The following RIMS1 variants were observed in gnomAD, a reference collection of about 807,000 sequenced individuals.
The protein encoded by RIMS1 is regulating synaptic membrane exocytosis 1, also known as regulating synaptic membrane exocytosis protein 1.
A neutral mutation model predicts 214.1 loss-of-function variants in RIMS1; 83 were observed. The observed-to-expected ratio is 0.39, with a 90% CI of 0.32 to 0.47. The LOEUF (loss-of-function observed/expected upper bound fraction) is 0.47. Ranked by LOEUF, RIMS1 falls within the 20% of genes least tolerant of loss-of-function variation. The probability of loss-of-function intolerance (pLI) is 0.99; values close to 1 mark genes in which losing one functional copy is unlikely to be tolerated. For missense variants in RIMS1, 2,050 were observed against 2,161.8 expected (o/e 0.95, Z 1.03); for synonymous variants, 793 against 786.8 (o/e 1.01, Z -0.13).
intron 6 of RIMS1, among the ~76,000 whole-genome samples, chr6:72,217,498 CTT>C (rs1367775245): frequency 6.6e-6 from 1 of 151,940 alleles, no homozygotes; most frequent in Non-Finnish European, 1.5e-5. Context: ...ACATTTAAGT[CTT>C]AACTTGAGAT....
At chr6:72,117,751 CA>C (rs1197582482) in intron 4 of RIMS1, among the ~76,000 whole-genome samples, 42 of 152,090 alleles carry the variant, frequency 2.8e-4, no homozygotes, top group South Asian at 2.1e-4. Context: ...CACAACTTAT[CA>C]AAACCTCTGG....
intron 2 of RIMS1, among the ~76,000 whole-genome samples, chr6:72,055,897 G>C (rs1453468965): frequency 6.6e-6 from 1 of 152,034 alleles, no homozygotes; most frequent in Non-Finnish European, 1.5e-5. Context: ...TTTGACCCAG[G>C]AATCCCATTA....
intron 6 of RIMS1, among the ~76,000 whole-genome samples, chr6:72,227,738 G>A (rs1021319301): frequency 2.0e-5 from 3 of 152,002 alleles, no homozygotes; most frequent in East Asian, 3.9e-4. Flanking sequence ...GTTCAACTCC[G>A]GAGGTTTCAT....
chr6:71,916,480 C>G (rs988108956), intron 1 of RIMS1, among the ~76,000 whole-genome samples: 1 of 152,078 alleles, frequency 6.6e-6, no homozygotes, highest in African/African-American at 2.4e-5. Context: ...TGCTCTCCTT[C>G]CAGTGGTTAA....
At chr6:72,198,205 G>T (rs2051310540) in intron 6 of RIMS1, among the ~76,000 whole-genome samples, 2 of 152,188 alleles carry the variant, frequency 1.3e-5, no homozygotes, top group South Asian at 4.1e-4. Context: ...ATCAAACTAA[G>T]TGGCCATCGG....
chr6:72,198,184 A>G (rs938821856), intron 6 of RIMS1, among the ~76,000 whole-genome samples: 1 of 152,144 alleles, frequency 6.6e-6, no homozygotes, highest in Admixed American at 6.6e-5. Context: ...TCACAATAGC[A>G]AAGATACTGA....
chr6:72,154,136 T>C (rs1409866089), intron 4 of RIMS1, among the ~76,000 whole-genome samples: 5 of 150,414 alleles, frequency 3.3e-5, no homozygotes, highest in Non-Finnish European at 6.0e-5. Flanking sequence ...ATATAAGGAA[T>C]AGCTGTATAT....
chr6:72,096,479 G>A (rs2031747814), intron 2 of RIMS1, among the ~76,000 whole-genome samples: 2 of 152,146 alleles, frequency 1.3e-5, no homozygotes, highest in African/African-American at 4.8e-5. Flanking sequence ...AATTTATTGT[G>A]ACAAACTTAT....
intron 2 of RIMS1, among the ~76,000 whole-genome samples, chr6:72,045,334 A>T (rs1424161280): frequency 6.6e-6 from 1 of 151,976 alleles, no homozygotes; most frequent in Non-Finnish European, 1.5e-5. Context: ...CCTGACATAA[A>T]AAATAAAAGA....
intron 27 of RIMS1, among the ~76,000 whole-genome samples, chr6:72,310,459 A>G (rs1017759274): frequency 3.3e-5 from 5 of 151,946 alleles, no homozygotes; most frequent in Admixed American, 6.6e-5. Flanking sequence ...AGTGAAATTC[A>G]TAATTAGAGG....
intron 2 of RIMS1, among the ~76,000 whole-genome samples, chr6:72,051,164 A>G (rs1824538140): frequency 6.6e-6 from 1 of 152,170 alleles, no homozygotes; most frequent in Non-Finnish European, 1.5e-5. Context: ...AGTCTGACAA[A>G]GGCCGGAGAC....
chr6:72,112,146 C>T (rs902514600), intron 4 of RIMS1, among the ~76,000 whole-genome samples: 1 of 152,112 alleles, frequency 6.6e-6, no homozygotes, highest in Non-Finnish European at 1.5e-5. Flanking sequence ...TGGAATCCTC[C>T]TGGCCTTTCC....
At chr6:72,119,381 A>G (rs532541696) in intron 4 of RIMS1, among the ~76,000 whole-genome samples, 5 of 151,930 alleles carry the variant, frequency 3.3e-5, no homozygotes, top group African/African-American at 4.8e-5. Flanking sequence ...GAAAATGACA[A>G]TAATACCCAA....
intron 6 of RIMS1, among the ~76,000 whole-genome samples, chr6:72,184,425 C>G (rs992601296): frequency 5.9e-5 from 9 of 152,176 alleles, no homozygotes; most frequent in African/African-American, 2.2e-4. Context: ...AACCCGTGCA[C>G]TTTTTGTGAA....
Position 72,330,243 on chromosome 6 carries a change from A to C in RIMS1, c.4131-3357A>C, listed in dbSNP as rs1266492330. 3.9e-5 allele frequency among the ~76,000 whole-genome samples: 6 copies of C among 151,936 alleles called. No individual in the cohort carries two copies. In the South Asian group the frequency reaches 1.0e-3, roughly 26 times the overall value. ...GTAAGTGACAGGATTTGCTGTGTGG[A>C]GTTATTAGCGACTGATAAAAGACAG... On this transcript the variant is annotated intron_variant, in intron 28 of 33. Coordinates refer to ENST00000521978, the MANE Select transcript of RIMS1 (RefSeq NM_014989.7).
At chr6:72,394,086 T>G (rs1327597911) in intron 31 of RIMS1, among the ~76,000 whole-genome samples, 2 of 149,964 alleles carry the variant, frequency 1.3e-5, no homozygotes, top group African/African-American at 4.9e-5. Flanking sequence ...GTAAATATGA[T>G]TGGGATACCC....
chr6:72,197,869 G>A (rs1237293986), intron 6 of RIMS1, among the ~76,000 whole-genome samples: 1 of 151,908 alleles, frequency 6.6e-6, no homozygotes, highest in African/African-American at 2.4e-5. Flanking sequence ...AACATAAGAG[G>A]AACTCCAACA....
intron 2 of RIMS1, among the ~76,000 whole-genome samples, chr6:72,059,960 C>T (rs1323599499): frequency 6.6e-6 from 1 of 151,594 alleles, no homozygotes; most frequent in African/African-American, 2.4e-5. Flanking sequence ...TTTTTTGAGA[C>T]GGAGTTTTGC....
rs989643296 is a variant in RIMS1, at chr6:72,259,054, G to A, written c.2996G>A (p.Ser999Asn). The A allele has an allele frequency of 6.2e-7, 1 of 1,612,404 alleles. No individual in the cohort carries two copies. Among genetic ancestry groups the A allele is most frequent in the Non-Finnish European group, 8.5e-7 (1 of 1,178,810 alleles). Residue 999 changes from serine to asparagine, a missense_variant, in exon 18 of 34, where the codon AGT (serine) becomes AAT (asparagine). By Grantham distance (46) the Ser-to-Asn change is conservative (BLOSUM62 1). Coordinates refer to ENST00000521978, the MANE Select transcript of RIMS1 (RefSeq NM_014989.7). Reference sequence around the variant, plus strand: ...ACCAGACACCATGATGCCTCCCGAAGTCCAGTTGATCATAGAACCAGAGAT... The same window carrying A: ...ACCAGACACCATGATGCCTCCCGAAATCCAGTTGATCATAGAACCAGAGAT... ...SPTRHHDASR[S>N]PVDHRTRDVD...
Sources: gnomAD v4.1 joint callset for allele counts (sites outside exome capture counted in the v4.1 genomes callset) on GRCh38, gnomAD v4.1.1 for gene constraint, MANE v1.5 for transcripts, NCBI Gene and HGNC (gene_info 2026-07-23, HGNC 2026-07-21) for gene names.